Variants in CNTN4 observed in about 807,000 individuals in gnomAD.
CNTN4 encodes contactin-4.
In CNTN4, 77 loss-of-function variants were observed where a neutral mutation model predicts 122.5. That is an observed-to-expected ratio of 0.63 (90% confidence interval 0.52 to 0.76). The LOEUF (loss-of-function observed/expected upper bound fraction) is 0.76. Among genes scored for constraint, CNTN4 ranks in the 30% least tolerant of loss-of-function variants. The pLI, the probability that CNTN4 is intolerant of heterozygous loss-of-function variation, is 0.00. For synonymous variants in CNTN4, 512 were observed against 447.0 expected (o/e 1.15, Z -1.83); for missense variants, 1,256 against 1,259.1 (o/e 1.00, Z 0.04).
At chr3:2,126,622 C>T (rs1172658167) in intron 2 of CNTN4, among the ~76,000 whole-genome samples, 3 of 152,092 alleles carry the variant, frequency 2.0e-5, no homozygotes. Context: ...ATTGTTTTGA[C>T]TAGAATGGTA....
chr3:2,485,219 G>A (rs1398640168), intron 3 of CNTN4, among the ~76,000 whole-genome samples: 1 of 152,202 alleles, frequency 6.6e-6, no homozygotes, highest in East Asian at 1.9e-4. Context: ...AGCGCGGCCG[G>A]AGCCTCCGCA....
In CNTN4 at chr3:3,056,315, G is replaced by C; in HGVS notation, c.*95G>C. The C allele has an allele frequency of 1.1e-6, 1 of 923,854 alleles. No individual in the cohort carries two copies. Among genetic ancestry groups the C allele is most frequent in the Admixed American group, 1.8e-5 (1 of 55,320 alleles). 57.2% of individuals were successfully genotyped at this position (923,854 alleles called of 1,614,324 possible). ...AGTACTAAGTAATATTGTTGTTCAA[G>C]TACATCTTATTACTGGAATAAAAAT... is the stretch of plus-strand genomic sequence containing the variant. On this transcript the variant is annotated 3_prime_UTR_variant, in exon 25 of 25. Coordinates refer to ENST00000418658, the MANE Select transcript of CNTN4 (RefSeq NM_175607.3).
chr3:2,269,505 C>T (rs1331710134), intron 2 of CNTN4, among the ~76,000 whole-genome samples: 1 of 152,092 alleles, frequency 6.6e-6, no homozygotes, highest in Admixed American at 6.6e-5. Flanking sequence ...CCATTTTAAT[C>T]TCTCAGAAGA....
chr3:2,413,880 C>T (rs1050958790), intron 3 of CNTN4, among the ~76,000 whole-genome samples: 4 of 152,160 alleles, frequency 2.6e-5, no homozygotes, highest in Non-Finnish European at 5.9e-5. Context: ...ATTTTTCTGA[C>T]TACCTACCAT....
chr3:2,875,839 C>T (rs751899229), intron 8 of CNTN4, among the ~76,000 whole-genome samples: 8 of 152,136 alleles, frequency 5.3e-5, no homozygotes, highest in Non-Finnish European at 1.0e-4. Flanking sequence ...CATAGGAGTA[C>T]TTCCTTGAAG....
intron 3 of CNTN4, chr3:2,511,462 C>T (rs1437681405): frequency 2.0e-5 from 3 of 152,226 alleles, no homozygotes; most frequent in African/African-American, 7.2e-5. Context: ...GAAGCTGGGT[C>T]CTCCTTGATG....
intron 4 of CNTN4, among the ~76,000 whole-genome samples, chr3:2,682,971 G>A (rs1265095571): frequency 1.3e-5 from 2 of 152,068 alleles, no homozygotes; most frequent in Non-Finnish European, 2.9e-5. Flanking sequence ...AGGAGAGACT[G>A]GGACAGACCA....
chr3:2,189,949 A>G (rs866010645), intron 2 of CNTN4, among the ~76,000 whole-genome samples: 1 of 152,140 alleles, frequency 6.6e-6, no homozygotes. Flanking sequence ...ATCAGTTGTG[A>G]CACAAAGGCT....
At chr3:3,031,008 A>G in intron 16 of CNTN4, 33 bp downstream of exon 16, 1 of 1,613,694 alleles carries the variant, frequency 6.2e-7, no homozygotes, top group Non-Finnish European at 8.5e-7. Context: ...TTGTTCTTGA[A>G]ATATTTTCAT....
intron 4 of CNTN4, among the ~76,000 whole-genome samples, chr3:2,733,825 C>T (rs562529439): frequency 3.3e-5 from 5 of 152,010 alleles, no homozygotes; most frequent in African/African-American, 7.2e-5. Flanking sequence ...TGAGCCACCG[C>T]GCCTGGCCAT....
intron 9 of CNTN4, among the ~76,000 whole-genome samples, 153 bp downstream of exon 9, chr3:2,883,400 C>A (rs1287316937): frequency 6.6e-6 from 1 of 152,166 alleles, no homozygotes; most frequent in Non-Finnish European, 1.5e-5. Flanking sequence ...TTGGATTCTG[C>A]CCCTCACCAT....
intron 13 of CNTN4, among the ~76,000 whole-genome samples, chr3:2,944,403 C>A (rs1448354193): frequency 6.6e-6 from 1 of 152,074 alleles, no homozygotes; most frequent in African/African-American, 2.4e-5. Flanking sequence ...ACTGGCTCCT[C>A]CTCCATGTGA....
intron 3 of CNTN4, among the ~76,000 whole-genome samples, chr3:2,520,618 T>C (rs1341556662): frequency 6.6e-6 from 1 of 152,060 alleles, no homozygotes; most frequent in Non-Finnish European, 1.5e-5. Context: ...ACTGATTAAT[T>C]GGGCAAATAG....
At chr3:2,947,821 T>C (rs1164908759) in intron 13 of CNTN4, among the ~76,000 whole-genome samples, 6 of 152,214 alleles carry the variant, frequency 3.9e-5, no homozygotes, top group African/African-American at 7.2e-5. Flanking sequence ...CACAGCTGAT[T>C]GTCAGCCTAA....
In CNTN4 at chr3:2,124,546, G is replaced by T. The variant is rs550859618; in HGVS notation, c.-145+23907G>T. Among the ~76,000 whole-genome samples, 8 of 151,774 alleles carry T rather than the reference G, an allele frequency of 5.3e-5. No individual in the cohort carries two copies. In the East Asian group the frequency reaches 1.5e-3, roughly 29 times the overall value. On this transcript the variant is annotated intron_variant, in intron 2 of 24. Coordinates refer to ENST00000418658, the MANE Select transcript of CNTN4 (RefSeq NM_175607.3). ...GGAGGCTGAGGCGGGAGGACCACTTGAGCCCAGGAGTTCAAGACCAGCTGG... is the reference window on the plus strand; with the variant it reads ...GGAGGCTGAGGCGGGAGGACCACTTTAGCCCAGGAGTTCAAGACCAGCTGG...
intron 4 of CNTN4, among the ~76,000 whole-genome samples, chr3:2,602,579 A>G (rs2081092361): frequency 6.6e-6 from 1 of 152,182 alleles, no homozygotes; most frequent in Admixed American, 6.5e-5. Flanking sequence ...ACTGCTCAAC[A>G]AAATAAAAGA....
At chr3:2,528,672 T>G (rs1370793406) in intron 3 of CNTN4, among the ~76,000 whole-genome samples, 1 of 152,188 alleles carries the variant, frequency 6.6e-6, no homozygotes, top group Non-Finnish European at 1.5e-5. Flanking sequence ...TGTAAGTATA[T>G]TACTGAAACA....
intron 4 of CNTN4, among the ~76,000 whole-genome samples, chr3:2,596,587 A>AT (rs112204538): frequency 0.098 from 14,809 of 151,746 alleles, 763 homozygotes; most frequent in South Asian, 0.14. Flanking sequence ...CACATTTTGT[A>AT]TTTTTTTTCA....
At chr3:2,872,544 G>A (rs1263783097) in intron 8 of CNTN4, among the ~76,000 whole-genome samples, 1 of 151,908 alleles carries the variant, frequency 6.6e-6, no homozygotes, top group Non-Finnish European at 1.5e-5. Flanking sequence ...GCCTGTGTCT[G>A]TCTGATAGGT....
Sources: gnomAD v4.1 joint callset for allele counts (sites outside exome capture counted in the v4.1 genomes callset) on GRCh38, gnomAD v4.1.1 for gene constraint, MANE v1.5 for transcripts, NCBI Gene and HGNC (gene_info 2026-07-23, HGNC 2026-07-21) for gene names.